PC: variants seen among roughly 807,000 people sequenced by gnomAD.
The protein encoded by PC is pyruvate carboxylase.
In PC, 46 loss-of-function variants were observed where a neutral mutation model predicts 107.8. The observed-to-expected ratio is 0.43, with a 90% CI of 0.34 to 0.55. The LOEUF is 0.55. PC is among the 20% of genes least tolerant of loss of function. The pLI, the probability that PC is intolerant of heterozygous loss-of-function variation, is 0.04. For synonymous variants in PC, 662 were observed against 684.7 expected (o/e 0.97, Z 0.52); for missense variants, 1,241 against 1,643.1 (o/e 0.76, Z 4.23).
chr11:66,922,432 G>A (rs1385547626), intron 3 of PC, among the ~76,000 whole-genome samples: 2 of 151,792 alleles, frequency 1.3e-5, no homozygotes, highest in Admixed American at 6.6e-5. Flanking sequence ...AAATTAGCTG[G>A]GCGTGGTGGT....
At chr11:66,880,506 C>T (rs762788187) in intron 3 of PC, among the ~76,000 whole-genome samples, 20 of 152,204 alleles carry the variant, frequency 1.3e-4, no homozygotes, top group Admixed American at 6.5e-4. Flanking sequence ...GGGTGGGAGA[C>T]GGCCTTCCTG....
intron 3 of PC, among the ~76,000 whole-genome samples, chr11:66,896,319 T>C (rs1409534983): frequency 2.0e-5 from 3 of 152,162 alleles, no homozygotes; most frequent in Non-Finnish European, 2.9e-5. Context: ...CCTCAAGTGA[T>C]CCACCTGCCT....
chr11:66,884,656 C>T (rs1591222593), intron 3 of PC, among the ~76,000 whole-genome samples: 1 of 152,156 alleles, frequency 6.6e-6, no homozygotes, highest in Non-Finnish European at 1.5e-5. Flanking sequence ...CTGTGCCCCC[C>T]ACACCCATAT....
chr11:66,918,652 C>T lies in PC; in HGVS notation c.-1+33778G>A, dbSNP rs190381706. ...CCTCCCAAAGTGCTGGGATTACAGACGTGAGCCACCATGCCCAGCCCAACA... is the reference window on the plus strand; with the variant it reads ...CCTCCCAAAGTGCTGGGATTACAGATGTGAGCCACCATGCCCAGCCCAACA... On this transcript the variant is annotated intron_variant, in intron 3 of 22. Coordinates refer to ENST00000393960, the MANE Select transcript of PC (RefSeq NM_001040716.2). 1.9e-3 allele frequency among the ~76,000 whole-genome samples: 293 copies of T among 152,152 alleles called. 1 individual carries two copies. Among genetic ancestry groups the T allele is most frequent in the African/African-American group, 6.9e-3 (285 of 41,514 alleles).
At chr11:66,920,428 A>G (rs1948565926) in intron 3 of PC, among the ~76,000 whole-genome samples, 1 of 152,018 alleles carries the variant, frequency 6.6e-6, no homozygotes, top group Admixed American at 6.6e-5. Context: ...AAGAAGCCCC[A>G]TATCTCGGAT....
chr11:66,918,616 G>A (rs1263601028), intron 3 of PC, among the ~76,000 whole-genome samples: 6 of 151,676 alleles, frequency 4.0e-5, no homozygotes, highest in Admixed American at 6.6e-5. Context: ...CAAGTAATCC[G>A]CCCACCTCAG....
At chr11:66,913,498 C>T (rs1202971232) in intron 3 of PC, among the ~76,000 whole-genome samples, 2 of 151,502 alleles carry the variant, frequency 1.3e-5, no homozygotes, top group Admixed American at 6.6e-5. Flanking sequence ...GCCTGACCAA[C>T]ATCTCTACTA....
At position 66,871,328 on chromosome 11, in the gene PC, G is replaced by A. The variant is rs767537673; in HGVS notation, c.474C>T (p.Ile158=). The part of the protein sequence containing the change: ...KMGDKVEARA[I]AIAAGVPVVP... Reference sequence around the variant, plus strand: ...CGTTATATTCACCCGCAGCAATGGCGATGGCCCGGGCCTCCACCTTGTCTC... The same window carrying A: ...CGTTATATTCACCCGCAGCAATGGCAATGGCCCGGGCCTCCACCTTGTCTC... Residue 158 remains isoleucine, a synonymous_variant, in exon 6 of 23, where the codon ATC becomes ATT. Coordinates refer to ENST00000393960, the MANE Select transcript of PC (RefSeq NM_001040716.2). The surrounding 1 kb of genome is among the most constrained non-coding windows in gnomAD (Gnocchi z 7.4). The A allele has an allele frequency of 2.2e-5, 36 of 1,613,842 alleles. No homozygotes were observed. Among genetic ancestry groups the A allele is most frequent in the African/African-American group, 1.7e-4 (13 of 74,924 alleles).
chr11:66,911,498 A>G (rs567789289), intron 3 of PC, among the ~76,000 whole-genome samples: 2 of 152,214 alleles, frequency 1.3e-5, no homozygotes, highest in African/African-American at 4.8e-5. Flanking sequence ...ATACTGAGGC[A>G]GGAGTTCGAG....
rs1469520433 is a variant in PC, at chr11:66,858,676, C to T, written c.1368+5098G>A. The T allele has an allele frequency of 2.8e-5, 43 of 1,546,178 alleles. No homozygotes were observed. The highest frequency in any genetic ancestry group is 3.7e-5 in the Non-Finnish European group (42 of 1,144,400). On this transcript the variant is annotated intron_variant, in intron 12 of 22. Coordinates refer to ENST00000393960, the MANE Select transcript of PC (RefSeq NM_001040716.2). This position sits in a 1 kb window ranked among gnomAD's most constrained non-coding sequence, Gnocchi z 5.9. ...CGGGCCCTGGGTGACCCCGCGCCTA[C>T]CATGCACTGGGTCGGTCCTGACGAC...
rs771938452 is a variant in PC at position 66,850,284 on chromosome 11, G to A, written c.2654C>T (p.Ser885Phe). ...GGCCTTCTTGACCTCCTTGAACTTG[G>A]AGCCAAGCCCCATGCTGTGGGCCTG... is the stretch of plus-strand genomic sequence containing the variant. The part of the protein sequence containing the change: ...HFQAHSMGLG[S>F]KFKEVKKAYV... The change falls in exon 19 of 23, where the codon TCC becomes TTC. Residue 885 changes from serine (S) to phenylalanine (F), a missense_variant. Physicochemically the swap from Ser to Phe is radical, Grantham distance 155. This residue lies in a region of PC where 1,143 missense variants were observed against 1,551.9 expected (regional missense o/e 0.74). Coordinates refer to ENST00000393960, the MANE Select transcript of PC (RefSeq NM_001040716.2). The A allele has an allele frequency of 1.2e-6, 2 of 1,614,116 alleles. No homozygotes were observed. The highest frequency in any genetic ancestry group is 1.7e-6 in the Non-Finnish European group (2 of 1,180,016).
At chr11:66,913,090 C>G (rs949016211) in intron 3 of PC, among the ~76,000 whole-genome samples, 2 of 152,086 alleles carry the variant, frequency 1.3e-5, no homozygotes. Context: ...TCATTGGAGA[C>G]GAGACTGTTA....
chr11:66,952,921 T>C (rs992084489), intron 2 of PC, among the ~76,000 whole-genome samples: 3 of 152,220 alleles, frequency 2.0e-5, no homozygotes, highest in African/African-American at 7.2e-5. Flanking sequence ...TCCCACTGCC[T>C]GGACTGCACC....
intron 3 of PC, among the ~76,000 whole-genome samples, chr11:66,948,570 T>C (rs1949361190): frequency 6.6e-6 from 1 of 152,188 alleles, no homozygotes; most frequent in African/African-American, 2.4e-5. Context: ...AAAACTAAAA[T>C]GTATCACGCC....
intron 3 of PC, among the ~76,000 whole-genome samples, chr11:66,910,158 T>A (rs542628435): frequency 6.6e-6 from 1 of 152,188 alleles, no homozygotes; most frequent in Non-Finnish European, 1.5e-5. Context: ...TATGCGCTGC[T>A]GCCCTGGCGA....
At chr11:66,904,501 G>GA (rs1414371435) in intron 3 of PC, among the ~76,000 whole-genome samples, 2 of 152,194 alleles carry the variant, frequency 1.3e-5, no homozygotes, top group Non-Finnish European at 2.9e-5. Context: ...AGCCTTGCAT[G>GA]GTGGCATGCG....
chr11:66,946,269 G>A (rs950428270), intron 3 of PC, among the ~76,000 whole-genome samples: 7 of 152,142 alleles, frequency 4.6e-5, no homozygotes, highest in Non-Finnish European at 8.8e-5. Context: ...GGCTGAGGCA[G>A]GTGGATCGCA....
At chr11:66,909,511 T>C (rs1948273144) in intron 3 of PC, among the ~76,000 whole-genome samples, 2 of 152,164 alleles carry the variant, frequency 1.3e-5, no homozygotes, top group African/African-American at 4.8e-5. Flanking sequence ...CAATGAGCAC[T>C]TCACAGGCTG....
At chr11:66,885,306 A>T (rs114771763) in intron 3 of PC, among the ~76,000 whole-genome samples, 5,595 of 152,198 alleles carry the variant, frequency 0.037, 190 homozygotes, top group African/African-American at 0.077. Flanking sequence ...CTGGCCAACA[A>T]GGCGAAACCC....
Sources: allele counts gnomAD v4.1 joint callset (sites outside exome capture counted in the v4.1 genomes callset), GRCh38; gene constraint gnomAD v4.1.1; regional missense constraint gnomAD v4.1.1; non-coding constraint Gnocchi (gnomAD v3.1); transcripts MANE v1.5; gene names NCBI Gene and HGNC (gene_info 2026-07-23, HGNC 2026-07-21).